Variants in MAGI3 observed in about 807,000 individuals in gnomAD.
MAGI3 encodes the protein membrane-associated guanylate kinase, WW and PDZ domain-containing protein 3.
In MAGI3, 43 loss-of-function variants were observed where a neutral mutation model predicts 121.8. That is an observed-to-expected ratio of 0.35 (90% CI 0.28 to 0.46). MAGI3 has a LOEUF of 0.46. Among genes scored for constraint, MAGI3 ranks in the 20% least tolerant of loss-of-function variants. The probability of loss-of-function intolerance (pLI) is 1.00; values close to 1 mark genes in which losing one functional copy is unlikely to be tolerated. For synonymous variants in MAGI3, 553 were observed against 639.3 expected (o/e 0.86, Z 2.04); for missense variants, 1,547 against 1,797.3 (o/e 0.86, Z 2.52).
In MAGI3 at chr1:113,654,077, C is replaced by A; in HGVS notation, c.2629+59C>A. ...CAAGTCCAGTTTTCTGAGGCTCCCA[C>A]TGGAGTTTATGAAATAATTAGGAGC... On this transcript the variant is annotated intron_variant, in intron 15 of 20. Transcript: ENST00000307546. 1.5e-6 allele frequency: 2 copies of A among 1,377,718 alleles called. 1 individual carries two copies. The highest frequency in any genetic ancestry group is 2.9e-5 in the South Asian group (2 of 69,948). The allele number at this position is 1,377,718 out of a possible 1,614,324, so 85.3% of individuals were successfully genotyped here.
chr1:113,486,287 CTT>C (rs1430489383), intron 1 of MAGI3, among the ~76,000 whole-genome samples: 1 of 152,068 alleles, frequency 6.6e-6, no homozygotes, highest in African/African-American at 2.4e-5. Flanking sequence ...TTGTAGATTG[CTT>C]TTCTTTTGGC....
chr1:113,523,262 AAT>A (rs1265083846), intron 1 of MAGI3, among the ~76,000 whole-genome samples: 1 of 152,182 alleles, frequency 6.6e-6, no homozygotes. Context: ...GGAGCATCAA[AAT>A]GGACTAATAC....
chr1:113,538,412 A>T (rs1467723580), intron 1 of MAGI3, among the ~76,000 whole-genome samples: 1 of 152,186 alleles, frequency 6.6e-6, no homozygotes, highest in African/African-American at 2.4e-5. Context: ...ATATAATATG[A>T]CTCAGTTATT....
At chr1:113,535,164 G>A (rs1658905779) in intron 1 of MAGI3, among the ~76,000 whole-genome samples, 1 of 151,978 alleles carries the variant, frequency 6.6e-6, no homozygotes, top group South Asian at 2.1e-4. Context: ...ACTCGGCCAG[G>A]GTGGTCTTAT....
rs937972555 is a variant in MAGI3, at chr1:113,681,456, G to A, written c.3328+120G>A. The A allele has an allele frequency of 5.5e-6, 6 of 1,099,666 alleles. No individual in the cohort carries two copies. In the Admixed American group the frequency reaches 1.5e-4, roughly 28 times the overall value. 68.1% of individuals were successfully genotyped at this position (1,099,666 alleles called of 1,614,324 possible). A position where few individuals can be genotyped will look rare whatever the true frequency, so the allele number is the denominator to read the frequency against. On this transcript the variant is annotated intron_variant, in intron 20 of 20. Transcript: ENST00000307546. The stretch of plus-strand genomic sequence containing the variant: ...CTAGTTAATTCAGAGGTGAATGCTA[G>A]AACCATGAAAAGCTAGTTACATAGC...
chr1:113,533,584 A>G (rs2101644692), intron 1 of MAGI3, among the ~76,000 whole-genome samples: 1 of 152,242 alleles, frequency 6.6e-6, no homozygotes, highest in Admixed American at 6.5e-5. Flanking sequence ...CCCGAACCTA[A>G]AGTAAAAGTT....
At chr1:113,430,759 G>T (rs1653262135) in intron 1 of MAGI3, among the ~76,000 whole-genome samples, 1 of 152,044 alleles carries the variant, frequency 6.6e-6, no homozygotes, top group Non-Finnish European at 1.5e-5. Context: ...CTAAATTCTT[G>T]TTCTAAAGGA....
At chr1:113,432,641 C>CT (rs967324514) in intron 1 of MAGI3, among the ~76,000 whole-genome samples, 1 of 150,346 alleles carries the variant, frequency 6.7e-6, no homozygotes, top group Non-Finnish European at 1.5e-5. Flanking sequence ...TAGGCTGTTT[C>CT]TTTTTTTAAA....
intron 14 of MAGI3, among the ~76,000 whole-genome samples, chr1:113,651,984 A>G (rs1218795955): frequency 1.3e-5 from 2 of 152,176 alleles, no homozygotes; most frequent in Non-Finnish European, 2.9e-5. Context: ...TCCTAGATGC[A>G]TGGATTATTT....
intron 15 of MAGI3, 65 bp from the exon 16 acceptor site, chr1:113,659,015 A>C (rs1449545578): frequency 1.6e-6 from 2 of 1,290,092 alleles, no homozygotes; most frequent in Non-Finnish European, 2.2e-6. Context: ...AATGACGTTG[A>C]TTATAAATCT....
chr1:113,415,372 C>T (rs1172566145), intron 1 of MAGI3, among the ~76,000 whole-genome samples: 1 of 151,958 alleles, frequency 6.6e-6, no homozygotes, highest in Non-Finnish European at 1.5e-5. Flanking sequence ...ATCCCCATTC[C>T]CCACGCCTGA....
Position 113,590,474 on chromosome 1 carries a change from AC to A in MAGI3, c.764-9del, listed in dbSNP as rs776432558. ...CACTTTTCACACCTTTCTGTTTTGA[AC>A]AATGGCAGAAAACAGAGAGAGGCAT... On this transcript the variant is annotated splice_polypyrimidine_tract_variant and intron_variant, in intron 4 of 20. Coordinates refer to ENST00000307546, the MANE Select transcript of MAGI3 (RefSeq NM_001142782.2). The A allele has an allele frequency of 8.7e-6, 14 of 1,613,084 alleles. No individual in the cohort carries two copies. Among genetic ancestry groups the A allele is most frequent in the Non-Finnish European group, 1.2e-5 (14 of 1,179,400 alleles).
At chr1:113,625,946 T>C (rs1651212083) in intron 9 of MAGI3, among the ~76,000 whole-genome samples, 1 of 152,078 alleles carries the variant, frequency 6.6e-6, no homozygotes, top group Admixed American at 6.6e-5. Context: ...CAGTTGAAAT[T>C]ATTATAGTTT....
chr1:113,643,859 G>A, intron 11 of MAGI3, 85 bp downstream of exon 11: 6 of 1,339,188 alleles, frequency 4.5e-6, no homozygotes, highest in South Asian at 2.4e-5. Flanking sequence ...GCTCACTGTG[G>A]TGATGATTAT....
At chr1:113,550,899 C>T (rs1659758993) in intron 2 of MAGI3, among the ~76,000 whole-genome samples, 1 of 147,992 alleles carries the variant, frequency 6.8e-6, no homozygotes, top group Admixed American at 6.8e-5. Context: ...ATACCAAGAA[C>T]AAGTATTTTA....
At chr1:113,646,431 T>A in intron 11 of MAGI3, 55 bp from the exon 12 acceptor site, 1 of 1,422,132 alleles carries the variant, frequency 7.0e-7, no homozygotes, top group Non-Finnish European at 9.5e-7. Context: ...GTTTTATGAA[T>A]TAATCAACCA....
At chr1:113,616,202 A>T (rs1650451629) in intron 7 of MAGI3, among the ~76,000 whole-genome samples, 1 of 152,228 alleles carries the variant, frequency 6.6e-6, no homozygotes, top group African/African-American at 2.4e-5. Context: ...TCAGGGAGGT[A>T]CATGAAATAG....
intron 2 of MAGI3, among the ~76,000 whole-genome samples, chr1:113,550,181 C>T (rs1413246127): frequency 4.0e-5 from 6 of 149,200 alleles, no homozygotes; most frequent in African/African-American, 9.9e-5. Flanking sequence ...GAGGCCGAGG[C>T]GGACGGATCA....
At chr1:113,555,868 T>C (rs1002213138) in intron 2 of MAGI3, among the ~76,000 whole-genome samples, 1 of 151,974 alleles carries the variant, frequency 6.6e-6, no homozygotes, top group African/African-American at 2.4e-5. Flanking sequence ...ATGTCAGGAA[T>C]GAGACCCTGT....
Sources: gnomAD v4.1 joint callset for allele counts (sites outside exome capture counted in the v4.1 genomes callset) on GRCh38, gnomAD v4.1.1 for gene constraint, MANE v1.5 for transcripts, NCBI Gene and HGNC (gene_info 2026-07-23, HGNC 2026-07-21) for gene names.